PLCL1: variants seen among roughly 807,000 people sequenced by gnomAD.
PLCL1 encodes phospholipase C like 1 (inactive), also known as inactive phospholipase C-like protein 1.
Under a neutral mutation model 84.4 loss-of-function variants are expected in PLCL1, and 41 were observed. That is an observed-to-expected ratio of 0.49 (90% CI 0.38 to 0.63). The LOEUF (loss-of-function observed/expected upper bound fraction) is 0.63. Among genes scored for constraint, PLCL1 ranks in the 30% least tolerant of loss-of-function variants. PLCL1 has a pLI of 0.00. For synonymous variants in PLCL1, 490 were observed against 488.3 expected, an observed-to-expected ratio of 1.00 and a Z score of -0.05; for missense variants, 1,206 against 1,367.8, an observed-to-expected ratio of 0.88 and a Z score of 1.87.
intron 1 of PLCL1, among the ~76,000 whole-genome samples, chr2:197,868,966 G>C (rs1195362365): frequency 6.6e-6 from 1 of 152,112 alleles, no homozygotes; most frequent in Non-Finnish European, 1.5e-5. Flanking sequence ...GAAAGAGTGA[G>C]TTTTAGTCAC....
rs1413143829 is a variant in PLCL1 at position 198,149,308 on chromosome 2, A to G, written c.*2346A>G. On this transcript the variant is annotated 3_prime_UTR_variant, in exon 6 of 6. Coordinates refer to ENST00000428675, the MANE Select transcript of PLCL1 (RefSeq NM_006226.4). ...CTCTTCTATCTACTTAGATTTGGTG[A>G]TGCTAGGAATGTAGTGTTTTAGATA... is the stretch of plus-strand genomic sequence containing the variant. 6.6e-6 allele frequency: 1 copy of G among 152,280 alleles called. No homozygotes were observed. Among genetic ancestry groups the G allele is most frequent in the East Asian group, 1.9e-4 (1 of 5,330 alleles). 9.4% of individuals were successfully genotyped at this position (152,280 alleles called of 1,614,324 possible). A position where few individuals can be genotyped will look rare whatever the true frequency, so the allele number is the denominator to read the frequency against.
intron 1 of PLCL1, among the ~76,000 whole-genome samples, chr2:198,018,302 G>A (rs982300276): frequency 1.4e-4 from 21 of 152,272 alleles, no homozygotes; most frequent in South Asian, 1.2e-3. Flanking sequence ...AAAACTGGGC[G>A]GCTGTTTGGG....
intron 1 of PLCL1, among the ~76,000 whole-genome samples, chr2:198,060,437 T>C (rs1692165517): frequency 6.6e-6 from 1 of 152,198 alleles, no homozygotes; most frequent in Non-Finnish European, 1.5e-5. Flanking sequence ...CTGAATGTTG[T>C]AGTGTTAAAC....
chr2:197,861,854 A>G (rs976929373), intron 1 of PLCL1, among the ~76,000 whole-genome samples: 20 of 152,310 alleles, frequency 1.3e-4, no homozygotes, highest in African/African-American at 4.3e-4. Flanking sequence ...TTTTTTTCCT[A>G]TATCCTCAAT....
intron 1 of PLCL1, among the ~76,000 whole-genome samples, chr2:197,913,189 C>T (rs1451713624): frequency 2.0e-5 from 3 of 152,010 alleles, no homozygotes; most frequent in African/African-American, 7.2e-5. Context: ...CTTTTAGTTA[C>T]TAGGAAAAAA....
intron 2 of PLCL1, 54 bp downstream of exon 2, chr2:198,086,286 T>A: frequency 8.1e-7 from 1 of 1,230,568 alleles, no homozygotes; most frequent in South Asian, 1.4e-5. Context: ...CCTACCCGTA[T>A]AATGTTTTAT....
At chr2:197,816,286 A>AT (rs1690686425) in intron 1 of PLCL1, among the ~76,000 whole-genome samples, 1 of 152,150 alleles carries the variant, frequency 6.6e-6, no homozygotes, top group Admixed American at 6.6e-5. Flanking sequence ...ATTATGGCTA[A>AT]TGATCATTAG....
intron 1 of PLCL1, chr2:197,810,288 T>C (rs1291479774): frequency 1.6e-6 from 2 of 1,275,248 alleles, no homozygotes; most frequent in Non-Finnish European, 2.0e-6. Flanking sequence ...TGATTTCTTA[T>C]AGCACCTCTC....
intron 1 of PLCL1, among the ~76,000 whole-genome samples, chr2:197,844,461 G>T (rs1228623257): frequency 6.6e-6 from 1 of 152,028 alleles, no homozygotes; most frequent in African/African-American, 2.4e-5. Flanking sequence ...ATTTTTATGG[G>T]TGTTCAGTAT....
chr2:198,062,543 T>A (rs1319986966), intron 1 of PLCL1, among the ~76,000 whole-genome samples: 1 of 152,216 alleles, frequency 6.6e-6, no homozygotes, highest in East Asian at 1.9e-4. Context: ...GAACTAACAA[T>A]GGAATTAAAA....
At chr2:197,899,138 T>G (rs1433770293) in intron 1 of PLCL1, among the ~76,000 whole-genome samples, 1 of 152,190 alleles carries the variant, frequency 6.6e-6, no homozygotes, top group Non-Finnish European at 1.5e-5. Context: ...TCTCATGGAA[T>G]TTACAATCCA....
intron 1 of PLCL1, among the ~76,000 whole-genome samples, chr2:197,844,915 G>A (rs1687091399): frequency 6.6e-6 from 1 of 152,104 alleles, no homozygotes; most frequent in African/African-American, 2.4e-5. Flanking sequence ...TTATTCAGAA[G>A]AAGGAAGATG....
chr2:198,117,243 A>T (rs982452354), intron 5 of PLCL1, among the ~76,000 whole-genome samples: 1 of 151,744 alleles, frequency 6.6e-6, no homozygotes, highest in Admixed American at 6.6e-5. Context: ...AATATACTGG[A>T]TGCCCTGAAA....
At chr2:197,834,481 G>A (rs1401660899) in intron 1 of PLCL1, among the ~76,000 whole-genome samples, 1 of 152,184 alleles carries the variant, frequency 6.6e-6, no homozygotes, top group African/African-American at 2.4e-5. Flanking sequence ...ATCAAAAAGT[G>A]GGTGACAGAT....
chr2:197,971,340 T>C (rs1689859570), intron 1 of PLCL1, among the ~76,000 whole-genome samples: 1 of 152,012 alleles, frequency 6.6e-6, no homozygotes. Flanking sequence ...GAAAGTAAAA[T>C]AGGTGGTAAA....
In PLCL1 at chr2:198,031,931, G is replaced by A. The variant is rs187412418; in HGVS notation, c.241-51827G>A. Among the ~76,000 whole-genome samples, 722 of 152,100 alleles carry A rather than the reference G, an allele frequency of 4.7e-3. 5 individuals carry two copies. The highest frequency in any genetic ancestry group is 0.017 in the African/African-American group (696 of 41,484). ...ATAATTTGAGAGCACAAATCTTATA[G>A]CATTGTCATGTAAGATGGGTACATA... On this transcript the variant is annotated intron_variant, in intron 1 of 5. Transcript: ENST00000428675.
intron 1 of PLCL1, among the ~76,000 whole-genome samples, chr2:198,020,025 C>A (rs1047505488): frequency 6.6e-6 from 1 of 152,216 alleles, no homozygotes; most frequent in African/African-American, 2.4e-5. Context: ...GCCCATCAAA[C>A]TAACAGCATA....
At chr2:197,845,851 G>A (rs865977052) in intron 1 of PLCL1, among the ~76,000 whole-genome samples, 143 of 152,214 alleles carry the variant, frequency 9.4e-4, no homozygotes, top group African/African-American at 3.3e-3. Context: ...ATTCTAACAT[G>A]CCTGTGTGTG....
intron 3 of PLCL1, among the ~76,000 whole-genome samples, chr2:198,098,291 A>G (rs76938353): frequency 2.0e-5 from 3 of 152,346 alleles, no homozygotes; most frequent in Admixed American, 6.5e-5. Context: ...AGAGGACTCA[A>G]GTAAATACAT....
Sources: gnomAD v4.1 joint callset for allele counts (sites outside exome capture counted in the v4.1 genomes callset) on GRCh38, gnomAD v4.1.1 for gene constraint, MANE v1.5 for transcripts, NCBI Gene and HGNC (gene_info 2026-07-23, HGNC 2026-07-21) for gene names.